RELB: variants seen among roughly 807,000 people sequenced by gnomAD.
RELB encodes RELB proto-oncogene, NF-kB subunit.
A neutral mutation model predicts 55.4 loss-of-function variants in RELB; 14 were observed. The ratio of observed to expected loss-of-function variants is 0.25; its 90% CI spans 0.17 to 0.40. The LOEUF is 0.40. Ranked by LOEUF, RELB falls within the 10% of genes least tolerant of loss-of-function variation. The pLI, the probability that RELB is intolerant of heterozygous loss-of-function variation, is 1.00. For missense variants in RELB, 669 were observed against 830.7 expected (o/e 0.81, Z 2.39); for synonymous variants, 409 against 371.3 (o/e 1.10, Z -1.17).
At chr19:45,036,569 T>A (rs1286293283) in intron 11 of RELB, among the ~76,000 whole-genome samples, 1 of 152,166 alleles carries the variant, frequency 6.6e-6, no homozygotes, top group African/African-American at 2.4e-5. Flanking sequence ...CTCTTCTCCT[T>A]TCTCACTCTC....
chr19:45,025,389 G>A lies in RELB; in HGVS notation c.723G>A (p.Arg241=), dbSNP rs1174243135. The change falls in exon 6 of 12, where the codon CGG becomes CGA. Residue 241 remains arginine, a synonymous_variant. Coordinates refer to ENST00000221452, the MANE Select transcript of RELB (RefSeq NM_006509.4). The part of the protein sequence containing the change: ...RKKEIEAAIE[R]KIQLGIDPYN... ...AGGAGATTGAGGCTGCCATTGAGCG[G>A]AAGATTCAACTGGGCATTGACCCCT... 1.2e-6 allele frequency: 2 copies of A among 1,612,700 alleles called. No individual in the cohort carries two copies. The highest frequency in any genetic ancestry group is 2.7e-5 in the African/African-American group (2 of 74,858).
rs1182336494 is a variant in RELB at position 45,023,432 on chromosome 19, C to G, written c.662+1222C>G. ...TCCTTCCTTCCTTCCTTCCTTCCTT[C>G]CGTCCTTCTTTCTTTCTTTCTTTCA... is the stretch of plus-strand genomic sequence containing the variant. On this transcript the variant is annotated intron_variant, in intron 5 of 11. Transcript: ENST00000221452. 2.0e-5 allele frequency among the ~76,000 whole-genome samples: 3 copies of G among 151,368 alleles called. No homozygotes were observed. The Admixed American group carries it at 2.0e-4, about 10-fold the overall frequency.
chr19:45,012,403 T>A, intron 4 of RELB, 127 bp downstream of exon 4: 1 of 576,910 alleles, frequency 1.7e-6, no homozygotes, highest in Non-Finnish European at 2.7e-6. Flanking sequence ...AGATATTAAT[T>A]ATACTATCAC....
chr19:45,037,883 G>C lies in RELB; in HGVS notation c.*93G>C. 7.7e-7 allele frequency: 1 copy of C among 1,292,730 alleles called. No individual in the cohort carries two copies. Among genetic ancestry groups the C allele is most frequent in the Non-Finnish European group, 1.0e-6 (1 of 977,544 alleles). The allele number at this position is 1,292,730 out of a possible 1,614,324, so 80.1% of individuals were successfully genotyped here. On this transcript the variant is annotated 3_prime_UTR_variant, in exon 12 of 12. Transcript: ENST00000221452. ...GATGTCTAGCACCCCCATCCCCTTG[G>C]CCCTTCCTCATGCTTCTGAAGTGGA... is the stretch of plus-strand genomic sequence containing the variant.
In RELB at chr19:45,010,308, G is replaced by A. The variant is rs1303512535; in HGVS notation, c.163+486G>A. The stretch of plus-strand genomic sequence containing the variant: ...GCAGCCTGGGCGGCAGAGCAAGACC[G>A]TGTCTCAAAAAGAAAACCAATTAAA... On this transcript the variant is annotated intron_variant, in intron 3 of 11. Transcript: ENST00000221452. 6.0e-5 allele frequency among the ~76,000 whole-genome samples: 4 copies of A among 66,814 alleles called. 1 individual carries two copies. The East Asian group carries it at 1.3e-3, about 22-fold the overall frequency. The allele number at this position is 66,814 out of a possible 152,430, so 43.8% of individuals were successfully genotyped here.
At chr19:45,005,753 G>T (rs1400959273) in intron 2 of RELB, among the ~76,000 whole-genome samples, 6 of 152,164 alleles carry the variant, frequency 3.9e-5, no homozygotes, top group African/African-American at 1.4e-4. Flanking sequence ...ATAGGCGTGT[G>T]CCACCATGTC....
chr19:45,001,823 CTG>C, intron 1 of RELB, 138 bp downstream of exon 1: 1 of 540,738 alleles, frequency 1.8e-6, no homozygotes, highest in Admixed American at 3.7e-5. Flanking sequence ...TCCTGAGACA[CTG>C]TATTAGGGCG....
intron 1 of RELB, among the ~76,000 whole-genome samples, chr19:45,002,183 A>G (rs1211535940): frequency 7.0e-5 from 10 of 142,912 alleles, no homozygotes; most frequent in African/African-American, 2.4e-4. Context: ...GCGGGGCCTG[A>G]CTCTGGCCGA....
In RELB at chr19:45,022,098, C is replaced by G; in HGVS notation, c.550C>G (p.Leu184Val). 6.2e-7 allele frequency: 1 copy of G among 1,613,578 alleles called. No homozygotes were observed. Among genetic ancestry groups the G allele is most frequent in the Non-Finnish European group, 8.5e-7 (1 of 1,179,760 alleles). Residue 184 changes from leucine to valine, a missense_variant, in exon 5 of 12, where the codon CTG becomes GTG. Physicochemically the swap from Leu to Val is conservative, Grantham distance 32. This residue lies in a region of RELB where 323 missense variants were observed against 368.5 expected (regional missense o/e 0.88). Transcript: ENST00000221452. ...GLREVEVTAC[L>V]VWKDWPHRVH... Reference sequence around the variant, plus strand: ...GCGGGAGGTGGAGGTGACTGCCTGCCTGGTGTGGAAGGACTGGCCTCACCG... The same window carrying G: ...GCGGGAGGTGGAGGTGACTGCCTGCGTGGTGTGGAAGGACTGGCCTCACCG...
chr19:45,021,297 C>T (rs987083182), intron 4 of RELB, among the ~76,000 whole-genome samples: 3 of 151,558 alleles, frequency 2.0e-5, no homozygotes, highest in South Asian at 4.2e-4. Flanking sequence ...CACGGTGAAA[C>T]CCCATCTCTA....
At position 45,038,091 on chromosome 19, in the gene RELB, A is replaced by G. The variant is rs1029065226; in HGVS notation, c.*301A>G. 3 of 304,206 alleles carry G rather than the reference A, an allele frequency of 9.9e-6. No individual in the cohort carries two copies. Among genetic ancestry groups the G allele is most frequent in the Admixed American group, 1.0e-4 (2 of 19,948 alleles). 18.8% of individuals were successfully genotyped at this position (304,206 alleles called of 1,614,324 possible). On this transcript the variant is annotated 3_prime_UTR_variant, in exon 12 of 12. Transcript: ENST00000221452. The stretch of plus-strand genomic sequence containing the variant: ...GTAGGATTCGGAAAAGATTGTACAT[A>G]TGGGAGGAGGGGGCAGATTCCTGGC...
chr19:45,013,052 T>A (rs1971381956), intron 4 of RELB, among the ~76,000 whole-genome samples: 1 of 148,766 alleles, frequency 6.7e-6, no homozygotes, highest in Non-Finnish European at 1.5e-5. Flanking sequence ...CCTGCCTCCA[T>A]TAAAAAACAA....
chr19:45,031,163 C>A (rs974495015), intron 8 of RELB, among the ~76,000 whole-genome samples: 1 of 151,566 alleles, frequency 6.6e-6, no homozygotes, highest in Admixed American at 6.6e-5. Flanking sequence ...TCTTCCGCTA[C>A]CAGTTGTGTG....
At chr19:45,035,851 T>C (rs1971679801) in intron 11 of RELB, among the ~76,000 whole-genome samples, 1 of 152,010 alleles carries the variant, frequency 6.6e-6, no homozygotes, top group Non-Finnish European at 1.5e-5. Context: ...AAACAGTCCA[T>C]AGGTAGGTGT....
In RELB at chr19:45,036,056, T is replaced by G. The variant is rs545518135; in HGVS notation, c.1355-1349T>G. Among the ~76,000 whole-genome samples, 3 of 152,206 alleles carry G rather than the reference T, an allele frequency of 2.0e-5. No homozygotes were observed. In the South Asian group the frequency reaches 6.2e-4, roughly 32 times the overall value. ...AAATAGTCCCTTGTGTCTCTAAGGT[T>G]TGTCTTGTTCCAAAAAGAGAGTCCC... On this transcript the variant is annotated intron_variant, in intron 11 of 11. Transcript: ENST00000221452.
chr19:45,036,755 C>T (rs958461049), intron 11 of RELB, among the ~76,000 whole-genome samples: 29 of 152,094 alleles, frequency 1.9e-4, no homozygotes, highest in Non-Finnish European at 1.3e-4. Flanking sequence ...GATCATACTT[C>T]GCTGCAGCCT....
intron 5 of RELB, among the ~76,000 whole-genome samples, chr19:45,025,105 T>C (rs904186620): frequency 6.0e-5 from 9 of 151,178 alleles, no homozygotes; most frequent in African/African-American, 2.2e-4. Flanking sequence ...GTGATCCTCC[T>C]GCCTCGGCCT....
intron 5 of RELB, among the ~76,000 whole-genome samples, chr19:45,023,393 T>TTCC (rs773540492): frequency 1.6e-4 from 23 of 144,684 alleles, no homozygotes; most frequent in South Asian, 1.4e-3. Flanking sequence ...TGCAGTTTTC[T>TTCC]TTCCTTCCTT....
intron 2 of RELB, chr19:45,008,601 A>C: frequency 2.2e-6 from 1 of 453,934 alleles, no homozygotes; most frequent in South Asian, 1.6e-5. Context: ...TTGGCACCCT[A>C]CTGGCTTCAC....
Sources: gnomAD v4.1 joint callset for allele counts (sites outside exome capture counted in the v4.1 genomes callset) on GRCh38, gnomAD v4.1.1 for gene constraint, gnomAD v4.1.1 regional missense constraint, MANE v1.5 for transcripts, NCBI Gene and HGNC (gene_info 2026-07-23, HGNC 2026-07-21) for gene names.